The following FAM162A variants were observed in gnomAD, a reference collection of about 807,000 sequenced individuals.
FAM162A encodes family with sequence similarity 162 member A.
Under a neutral mutation model 21.8 loss-of-function variants are expected in FAM162A, and 23 were observed. That is an observed-to-expected ratio of 1.05 (90% CI 0.76 to 1.49). The LOEUF (loss-of-function observed/expected upper bound fraction) is 1.49. FAM162A is among the 40% of genes most tolerant of loss of function. The pLI, the probability that FAM162A is intolerant of heterozygous loss-of-function variation, is 0.00. For synonymous variants in FAM162A, 53 were observed against 61.3 expected, an observed-to-expected ratio of 0.86 and a Z score of 0.64; for missense variants, 165 against 186.4, an observed-to-expected ratio of 0.89 and a Z score of 0.67.
At chr3:122,391,961 C>T (rs1284216028) in intron 1 of FAM162A, among the ~76,000 whole-genome samples, 1 of 152,090 alleles carries the variant, frequency 6.6e-6, no homozygotes, top group Non-Finnish European at 1.5e-5. Flanking sequence ...TAACTTTCTC[C>T]CCAGTAGAAT....
In FAM162A at chr3:122,396,208, ACAT is replaced by A. The variant is rs1485623073; in HGVS notation, c.35-6546_35-6544del. 5.3e-5 allele frequency among the ~76,000 whole-genome samples: 8 copies of A among 152,318 alleles called. No homozygotes were observed. In the East Asian group the frequency reaches 1.3e-3, roughly 26 times the overall value. ...ATTAAATTTTTTTGTACTTCAAAGG[ACAT>A]CATCAAGATAGTGAAAAGATACCCA... is the stretch of plus-strand genomic sequence containing the variant. On this transcript the variant is annotated intron_variant, in intron 1 of 4. Coordinates refer to ENST00000477892, the MANE Select transcript of FAM162A (RefSeq NM_014367.4).
At chr3:122,388,458 T>C (rs1240258225) in intron 1 of FAM162A, among the ~76,000 whole-genome samples, 1 of 152,146 alleles carries the variant, frequency 6.6e-6, no homozygotes, top group Non-Finnish European at 1.5e-5. Context: ...GAGATAAAGA[T>C]ATGGGAGCAA....
Position 122,411,681 on chromosome 3 carries a change from G to GT in FAM162A, c.*1851dup, listed in dbSNP as rs2075705760. ...CAATTCTCGTGCCTCAGCCTCCTCA[G>GT]TAACTGGCATTATAGGTGTGCACCA... is the stretch of plus-strand genomic sequence containing the variant. On this transcript the variant is annotated 3_prime_UTR_variant, in exon 5 of 5. Transcript: ENST00000477892. The GT allele has an allele frequency of 6.6e-6, 1 of 151,848 alleles. No homozygotes were observed. The highest frequency in any genetic ancestry group is 2.1e-4 in the South Asian group (1 of 4,816). The allele number at this position is 151,848 out of a possible 1,614,324, so 9.4% of individuals were successfully genotyped here.
At chr3:122,402,722 T>C in intron 1 of FAM162A, 38 bp from the exon 2 acceptor site, 1 of 1,490,994 alleles carries the variant, frequency 6.7e-7, no homozygotes, top group Non-Finnish European at 8.9e-7. Flanking sequence ...CACATTTTCT[T>C]TCTTTCTTTC....
At chr3:122,397,972 CAGAA>C (rs1316240297) in intron 1 of FAM162A, among the ~76,000 whole-genome samples, 1 of 152,086 alleles carries the variant, frequency 6.6e-6, no homozygotes, top group African/African-American at 2.4e-5. Context: ...AATATCTTGT[CAGAA>C]AGAAAGCTAT....
At chr3:122,387,472 A>G (rs2075580062) in intron 1 of FAM162A, among the ~76,000 whole-genome samples, 1 of 152,206 alleles carries the variant, frequency 6.6e-6, no homozygotes, top group South Asian at 2.1e-4. Flanking sequence ...AGATGAGGAA[A>G]CTTAAGGGCC....
Position 122,410,020 on chromosome 3 carries a change from G to A in FAM162A, c.*189G>A, listed in dbSNP as rs958358181. 1.4e-5 allele frequency: 9 copies of A among 635,984 alleles called. No homozygotes were observed. The highest frequency in any genetic ancestry group is 2.6e-5 in the Non-Finnish European group (9 of 352,074). The allele number at this position is 635,984 out of a possible 1,614,324, so 39.4% of individuals were successfully genotyped here. A position where few individuals can be genotyped will look rare whatever the true frequency, so the allele number is the denominator to read the frequency against. Reference sequence around the variant, plus strand: ...AATAATGACTGTGTTTTATTGTTTTGATCCAAGTCAAGTGTAGCCTCTCAG... The same window carrying A: ...AATAATGACTGTGTTTTATTGTTTTAATCCAAGTCAAGTGTAGCCTCTCAG... On this transcript the variant is annotated 3_prime_UTR_variant, in exon 5 of 5. Coordinates refer to ENST00000477892, the MANE Select transcript of FAM162A (RefSeq NM_014367.4).
chr3:122,409,309 G>A (rs2075692497), intron 4 of FAM162A, among the ~76,000 whole-genome samples: 1 of 152,172 alleles, frequency 6.6e-6, no homozygotes, highest in Non-Finnish European at 1.5e-5. Context: ...TAAAAGAGAA[G>A]TGAGGAACTA....
At chr3:122,393,869 G>A (rs1303123420) in intron 1 of FAM162A, among the ~76,000 whole-genome samples, 1 of 152,140 alleles carries the variant, frequency 6.6e-6, no homozygotes, top group Non-Finnish European at 1.5e-5. Flanking sequence ...CTCACATTTA[G>A]TCTCTGTCCG....
chr3:122,388,419 C>T (rs1447082287), intron 1 of FAM162A, among the ~76,000 whole-genome samples: 1 of 152,130 alleles, frequency 6.6e-6, no homozygotes, highest in Non-Finnish European at 1.5e-5. Context: ...AGGTTGAAGA[C>T]CTGAGGGCAA....
intron 3 of FAM162A, 53 bp downstream of exon 3, chr3:122,404,416 G>A: frequency 4.1e-6 from 4 of 973,644 alleles, no homozygotes; most frequent in East Asian, 2.7e-5. Flanking sequence ...CTGATCTAAG[G>A]GAAAAGCAAT....
intron 4 of FAM162A, 136 bp from the exon 5 acceptor site, chr3:122,409,603 C>A: frequency 1.4e-6 from 1 of 709,218 alleles, no homozygotes; most frequent in South Asian, 1.7e-5. Flanking sequence ...ATAGAGGAAA[C>A]TGCCGTGCTC....
At position 122,384,298 on chromosome 3, in the gene FAM162A, A is replaced by C. The variant is rs749620914; in HGVS notation, c.33A>C (p.Ala11=). ...GCCTCAGCGGTCTGCGCCTGGCAGCAGGTGAGACGCCGGTCGGGATATGGG... is the reference window on the plus strand; with the variant it reads ...GCCTCAGCGGTCTGCGCCTGGCAGCCGGTGAGACGCCGGTCGGGATATGGG... MGSLSGLRLA[A]GSCFRLCERD... is the part of the protein sequence containing the mutation. Residue 11 remains alanine, a splice_region_variant and synonymous_variant, in exon 1 of 5, where the codon GCA becomes GCC. Coordinates refer to ENST00000477892, the MANE Select transcript of FAM162A (RefSeq NM_014367.4). 31 of 1,577,280 alleles carry C rather than the reference A, an allele frequency of 2.0e-5. No individual in the cohort carries two copies. Among genetic ancestry groups the C allele is most frequent in the African/African-American group, 2.7e-5 (2 of 74,232 alleles).
chr3:122,384,405 G>A (rs1272987105), intron 1 of FAM162A, 106 bp downstream of exon 1: 42 of 1,330,246 alleles, frequency 3.2e-5, no homozygotes, highest in Non-Finnish European at 4.4e-5. Context: ...ATTCCATGAC[G>A]CACTTTCTCG....
chr3:122,400,596 A>G (rs1352041683), intron 1 of FAM162A, among the ~76,000 whole-genome samples: 1 of 152,156 alleles, frequency 6.6e-6, no homozygotes, highest in Non-Finnish European at 1.5e-5. Context: ...AGGCCGAGGC[A>G]GGCGGATCAC....
At chr3:122,394,687 T>C (rs1029740553) in intron 1 of FAM162A, among the ~76,000 whole-genome samples, 9 of 152,220 alleles carry the variant, frequency 5.9e-5, no homozygotes, top group African/African-American at 1.9e-4. Context: ...ATGGCTTCAA[T>C]TGTGCATTCT....
In FAM162A at chr3:122,410,418, T is replaced by C. The variant is rs2075699651; in HGVS notation, c.*587T>C. ...ACTTAGAAATCCCAGCGTCATGGAG[T>C]TGCTTGGGGTCAACACAAGTCACCT... On this transcript the variant is annotated 3_prime_UTR_variant, in exon 5 of 5. Coordinates refer to ENST00000477892, the MANE Select transcript of FAM162A (RefSeq NM_014367.4). 6.4e-6 allele frequency: 1 copy of C among 155,360 alleles called. No homozygotes were observed. The highest frequency in any genetic ancestry group is 2.4e-5 in the African/African-American group (1 of 41,434). The allele number at this position is 155,360 out of a possible 1,614,324, so 9.6% of individuals were successfully genotyped here.
chr3:122,398,529 AAT>A (rs1196274702), intron 1 of FAM162A, among the ~76,000 whole-genome samples: 1 of 152,256 alleles, frequency 6.6e-6, no homozygotes, highest in African/African-American at 2.4e-5. Flanking sequence ...GAGTTTGGAG[AAT>A]ATGTTGGGCA....
chr3:122,407,390 G>T lies in FAM162A; in HGVS notation c.372+1G>T. 1 of 1,609,104 alleles carries T rather than the reference G, an allele frequency of 6.2e-7. No individual in the cohort carries two copies. Among genetic ancestry groups the T allele is most frequent in the Non-Finnish European group, 8.5e-7 (1 of 1,175,420 alleles). ...CTTCATGGTTATTGAGGGCAAGAAG[G>T]TGAGAAGGGGTTTCTTCTCTATCCA... On this transcript the variant is annotated splice_donor_variant, in intron 4 of 4. Transcript: ENST00000477892. LOFTEE classifies it high-confidence loss of function.
Sources: gnomAD v4.1 joint callset for allele counts (sites outside exome capture counted in the v4.1 genomes callset) on GRCh38, gnomAD v4.1.1 for gene constraint, MANE v1.5 for transcripts, NCBI Gene and HGNC (gene_info 2026-07-23, HGNC 2026-07-21) for gene names.